TGFBI: variants seen among roughly 807,000 people sequenced by gnomAD.
TGFBI encodes transforming growth factor-beta-induced protein ig-h3.
Under a neutral mutation model 73.7 loss-of-function variants are expected in TGFBI, and 50 were observed. The observed-to-expected ratio is 0.68, with a 90% CI of 0.54 to 0.86. The LOEUF is 0.86. Among genes scored for constraint, TGFBI ranks in the 40% least tolerant of loss-of-function variants. The pLI, the probability that TGFBI is intolerant of heterozygous loss-of-function variation, is 0.00. For missense variants in TGFBI, 839 were observed against 877.0 expected (o/e 0.96, Z 0.55); for synonymous variants, 362 against 360.5 (o/e 1.00, Z -0.05).
intron 16 of TGFBI, 38 bp from the exon 17 acceptor site, chr5:136,063,148 T>C (rs1328134874): frequency 6.3e-7 from 1 of 1,597,292 alleles, no homozygotes; most frequent in Admixed American, 1.7e-5. Flanking sequence ...CATGGGGAGA[T>C]CTGCACCTAT....
At chr5:136,044,431 T>A (rs1323413907) in intron 3 of TGFBI, among the ~76,000 whole-genome samples, 1 of 152,260 alleles carries the variant, frequency 6.6e-6, no homozygotes, top group Non-Finnish European at 1.5e-5. Context: ...CCTCTGCCTC[T>A]GGCTGGGAGT....
intron 9 of TGFBI, among the ~76,000 whole-genome samples, chr5:136,054,285 C>T (rs1366611793): frequency 1.3e-5 from 2 of 152,158 alleles, no homozygotes; most frequent in East Asian, 1.9e-4. Flanking sequence ...TTTGGGGAGC[C>T]GTTCCTCAGA....
intron 10 of TGFBI, 189 bp downstream of exon 10, chr5:136,055,050 T>G (rs550369101): frequency 2.9e-6 from 2 of 696,246 alleles, no homozygotes; most frequent in Admixed American, 5.8e-5. Context: ...TCTCTTTTTC[T>G]GGAGGCCTTT....
intron 1 of TGFBI, among the ~76,000 whole-genome samples, chr5:136,033,308 A>T (rs1751155640): frequency 6.6e-6 from 1 of 152,160 alleles, no homozygotes; most frequent in Admixed American, 6.5e-5. Flanking sequence ...ATGGGAGAGC[A>T]TCCCCTATCA....
At chr5:136,052,801 C>A in intron 7 of TGFBI, 106 bp from the exon 8 acceptor site, 1 of 1,106,916 alleles carries the variant, frequency 9.0e-7, no homozygotes, top group Non-Finnish European at 1.3e-6. Flanking sequence ...ATCTGAGGGT[C>A]CTCATCTGAG....
chr5:136,052,333 C>G (rs896069956), intron 7 of TGFBI, among the ~76,000 whole-genome samples: 4 of 152,250 alleles, frequency 2.6e-5, no homozygotes. Flanking sequence ...AGCTAGTAGA[C>G]CCTTGGGCTA....
chr5:136,053,507 G>T (rs1339540835), intron 8 of TGFBI, among the ~76,000 whole-genome samples: 1 of 152,260 alleles, frequency 6.6e-6, no homozygotes, highest in East Asian at 1.9e-4. Context: ...ACTTTGGCTT[G>T]TGTCTCATTA....
chr5:136,054,792 G>T lies in TGFBI; in HGVS notation c.1341G>T (p.Lys447Asn). The change falls in exon 10 of 17, where the codon AAG becomes AAT. Residue 447 changes from lysine to asparagine, a missense_variant. Physicochemically the swap from Lys to Asn is moderately conservative, Grantham distance 94. Coordinates refer to ENST00000442011, the MANE Select transcript of TGFBI (RefSeq NM_000358.3). ...TAATTAAAGACCAGCTGGCCTCTAA[G>T]TATCTGTACCATGGACAGACCCTGG... ...NHIIKDQLAS[K>N]YLYHGQTLET... The T allele has an allele frequency of 6.2e-7, 1 of 1,613,962 alleles. No individual in the cohort carries two copies. The highest frequency in any genetic ancestry group is 8.5e-7 in the Non-Finnish European group (1 of 1,179,894).
In TGFBI at chr5:136,056,680, C is replaced by G; in HGVS notation, c.1563C>G (p.Ala521=). ...GTATCTACAGCATGCTGGTAGCTGC[C>G]ATCCAGTCTGCAGGACTGACGGAGA... The part of the protein sequence containing the change: ...GDNRFSMLVA[A]IQSAGLTETL... Residue 521 remains alanine (A), a synonymous_variant, in exon 12 of 17, where the codon GCC becomes GCG. Coordinates refer to ENST00000442011, the MANE Select transcript of TGFBI (RefSeq NM_000358.3). The G allele has an allele frequency of 6.2e-7, 1 of 1,613,930 alleles. No individual in the cohort carries two copies. Among genetic ancestry groups the G allele is most frequent in the Non-Finnish European group, 8.5e-7 (1 of 1,179,886 alleles).
chr5:136,048,683 G>C (rs1751479593), intron 6 of TGFBI: 2 of 152,346 alleles, frequency 1.3e-5, no homozygotes, highest in African/African-American at 4.8e-5. Flanking sequence ...GATGAGAATG[G>C]GTCCATTATA....
chr5:136,041,966 C>A (rs1025076971), intron 2 of TGFBI, among the ~76,000 whole-genome samples: 1 of 152,208 alleles, frequency 6.6e-6, no homozygotes, highest in Non-Finnish European at 1.5e-5. Flanking sequence ...ATAGAGAGTA[C>A]TGCACCCGTG....
At chr5:136,036,540 A>G (rs965129288) in intron 2 of TGFBI, among the ~76,000 whole-genome samples, 1 of 152,126 alleles carries the variant, frequency 6.6e-6, no homozygotes, top group African/African-American at 2.4e-5. Flanking sequence ...AGAGCTCAGT[A>G]AGAGTGGCTT....
At chr5:136,058,396 C>T (rs1225571849) in intron 12 of TGFBI, among the ~76,000 whole-genome samples, 1 of 152,074 alleles carries the variant, frequency 6.6e-6, no homozygotes, top group African/African-American at 2.4e-5. Context: ...TGACCTCCCA[C>T]ACTTAATTTG....
At chr5:136,036,874 A>T (rs550862442) in intron 2 of TGFBI, among the ~76,000 whole-genome samples, 9 of 152,178 alleles carry the variant, frequency 5.9e-5, no homozygotes, top group Non-Finnish European at 1.2e-4. Flanking sequence ...GGAGTAAAGT[A>T]TCATGGGGGA....
intron 7 of TGFBI, among the ~76,000 whole-genome samples, chr5:136,051,892 C>T (rs563501212): frequency 6.6e-6 from 1 of 152,252 alleles, no homozygotes; most frequent in Non-Finnish European, 1.5e-5. Context: ...GCCATCAACT[C>T]GTCTGCAGCA....
intron 2 of TGFBI, among the ~76,000 whole-genome samples, chr5:136,041,228 G>GATT (rs1473350784): frequency 1.3e-5 from 2 of 152,220 alleles, no homozygotes; most frequent in Non-Finnish European, 2.9e-5. Context: ...AAGGCAAGAG[G>GATT]ATTAAGAGAG....
In TGFBI at chr5:136,044,071, G is replaced by C; in HGVS notation, c.247G>C (p.Glu83Gln). The change falls in exon 3 of 17, where the codon GAG (glutamate) becomes CAG (glutamine). Residue 83 changes from glutamate (E) to glutamine (Q), a missense_variant. By Grantham distance (29) the Glu-to-Gln change is conservative. Coordinates refer to ENST00000442011, the MANE Select transcript of TGFBI (RefSeq NM_000358.3). ...ICGKSTVISY[E>Q]CCPGYEKVPG... ...GTCTTGTTACAGAGTCATCAGCTAC[G>C]AGTGCTGTCCTGGATATGAAAAGGT... The C allele has an allele frequency of 6.2e-7, 1 of 1,613,350 alleles. No homozygotes were observed. The highest frequency in any genetic ancestry group is 8.5e-7 in the Non-Finnish European group (1 of 1,179,510).
At position 136,055,708 on chromosome 5, in the gene TGFBI, C is replaced by A. The variant is rs192398905; in HGVS notation, c.1439C>A (p.Ala480Glu). ...CTCTGCATTGAGAACAGCTGCATCG[C>A]GGCCCACGACAAGAGGGGGAGGTAC... ...NSLCIENSCI[A>E]AHDKRGRYGT... Residue 480 changes from alanine (A) to glutamate (E), a missense_variant, in exon 11 of 17, where the codon GCG (alanine) becomes GAG (glutamate). Physicochemically the swap from Ala to Glu is moderately radical, Grantham distance 107. Transcript: ENST00000442011. 38 of 1,609,500 alleles carry A rather than the reference C, an allele frequency of 2.4e-5. No homozygotes were observed. In the South Asian group the frequency reaches 3.5e-4, roughly 15 times the overall value.
At chr5:136,046,538 T>C (rs1347404675) in intron 4 of TGFBI, 43 bp downstream of exon 4, 2 of 1,551,862 alleles carry the variant, frequency 1.3e-6, no homozygotes, top group East Asian at 4.7e-5. Flanking sequence ...TATGGGGAAC[T>C]GCCTTACTTC....
Sources: allele counts gnomAD v4.1 joint callset (sites outside exome capture counted in the v4.1 genomes callset), GRCh38; gene constraint gnomAD v4.1.1; transcripts MANE v1.5; gene names NCBI Gene and HGNC (gene_info 2026-07-23, HGNC 2026-07-21).